The following GPR158 variants were observed in gnomAD, a reference collection of about 807,000 sequenced individuals.
The protein encoded by GPR158 is metabotropic glycine receptor.
In GPR158, 30 loss-of-function variants were observed where a neutral mutation model predicts 78.2. The observed-to-expected ratio is 0.38, with a 90% CI of 0.29 to 0.52. GPR158 has a LOEUF of 0.52. Ranked by LOEUF, GPR158 falls within the 20% of genes least tolerant of loss-of-function variation. The pLI is 0.83. For synonymous variants in GPR158, 581 were observed against 591.1 expected (o/e 0.98, Z 0.25); for missense variants, 1,463 against 1,523.5 (o/e 0.96, Z 0.66).
chr10:25,550,969 C>A lies in GPR158; in HGVS notation c.1405-7C>A. On this transcript the variant is annotated splice_polypyrimidine_tract_variant and splice_region_variant and intron_variant, in intron 5 of 10. Coordinates refer to ENST00000376351, the MANE Select transcript of GPR158 (RefSeq NM_020752.3). ...CCTGAAGGTCTCTTTCTGTTTTCAT[C>A]CCACAGGTTGTTATTTTGTACTTTG... 2.0e-6 allele frequency: 3 copies of A among 1,470,682 alleles called. No homozygotes were observed. The highest frequency in any genetic ancestry group is 2.9e-6 in the Non-Finnish European group (3 of 1,049,402). 91.1% of individuals were successfully genotyped at this position (1,470,682 alleles called of 1,614,324 possible). A position where few individuals can be genotyped will look rare whatever the true frequency, so the allele number is the denominator to read the frequency against.
intron 4 of GPR158, among the ~76,000 whole-genome samples, chr10:25,451,968 C>T (rs16925884): frequency 0.063 from 9,553 of 152,154 alleles, 1,057 homozygotes; most frequent in East Asian, 0.52. Flanking sequence ...TAGAGTTGTT[C>T]TAGATGGATG....
intron 1 of GPR158, among the ~76,000 whole-genome samples, chr10:25,190,858 C>T (rs1852762891): frequency 6.6e-6 from 1 of 152,152 alleles, no homozygotes; most frequent in African/African-American, 2.4e-5. Flanking sequence ...GAAACATACA[C>T]AACCTACTGT....
At chr10:25,564,327 A>AGATT (rs1322836517) in intron 6 of GPR158, among the ~76,000 whole-genome samples, 1 of 152,128 alleles carries the variant, frequency 6.6e-6, no homozygotes, top group Non-Finnish European at 1.5e-5. Flanking sequence ...CCAGGCTTCT[A>AGATT]GATTCCCAGA....
intron 4 of GPR158, among the ~76,000 whole-genome samples, chr10:25,459,800 A>C (rs931170642): frequency 6.6e-6 from 1 of 152,166 alleles, no homozygotes; most frequent in Non-Finnish European, 1.5e-5. Context: ...ACTTTGATGT[A>C]ATTTGATAGA....
chr10:25,285,354 G>A (rs967452920), intron 2 of GPR158, among the ~76,000 whole-genome samples: 6 of 152,082 alleles, frequency 3.9e-5, no homozygotes, highest in Non-Finnish European at 8.8e-5. Flanking sequence ...TTTAGTGGGG[G>A]GATTGGCTCA....
rs113849668 is a variant in GPR158, at chr10:25,420,726, T to C, written c.1335+8253T>C. 7.0e-3 allele frequency among the ~76,000 whole-genome samples: 1,066 copies of C among 152,334 alleles called. 11 individuals carry two copies. The highest frequency in any genetic ancestry group is 0.011 in the Non-Finnish European group (779 of 68,024). On this transcript the variant is annotated intron_variant, in intron 4 of 10. Coordinates refer to ENST00000376351, the MANE Select transcript of GPR158 (RefSeq NM_020752.3). ...ACACCATTTGTTGAAGACATAGTCC[T>C]TTCCCTGTAGAGTTGTCCTGTCAGC...
intron 5 of GPR158, among the ~76,000 whole-genome samples, chr10:25,485,132 TGTTA>T (rs1045008556): frequency 6.6e-6 from 1 of 152,012 alleles, no homozygotes; most frequent in African/African-American, 2.4e-5. Flanking sequence ...AAAAAATAGT[TGTTA>T]GAGTTCAGCA....
intron 1 of GPR158, among the ~76,000 whole-genome samples, chr10:25,218,060 T>A (rs1298183425): frequency 6.6e-6 from 1 of 152,078 alleles, no homozygotes; most frequent in Non-Finnish European, 1.5e-5. Context: ...TCCTTAGGTG[T>A]TGGATCTTTG....
Position 25,175,895 on chromosome 10 carries a change from G to A in GPR158, c.475G>A (p.Ala159Thr). The A allele has an allele frequency of 1.2e-6, 2 of 1,613,842 alleles. No individual in the cohort carries two copies. Among genetic ancestry groups the A allele is most frequent in the Non-Finnish European group, 1.7e-6 (2 of 1,179,998 alleles). ...GCAGGACGACCTGGATTGGTACCAGGCGCTGGTGTGGAGCCTTCTGGAGGG... is the reference window on the plus strand; with the variant it reads ...GCAGGACGACCTGGATTGGTACCAGACGCTGGTGTGGAGCCTTCTGGAGGG... ...NLQDDLDWYQ[A>T]LVWSLLEGEP... Residue 159 changes from alanine to threonine, a missense_variant, in exon 1 of 11, where the codon GCG becomes ACG. Ala to Thr is a moderately conservative substitution (Grantham distance 58). Transcript: ENST00000376351. This position sits in a 1 kb window ranked among gnomAD's most constrained non-coding sequence, Gnocchi z 6.4.
chr10:25,599,160 C>T lies in GPR158; in HGVS notation c.3534C>T (p.Thr1178=). The T allele has an allele frequency of 1.2e-6, 2 of 1,610,832 alleles. No individual in the cohort carries two copies. Among genetic ancestry groups the T allele is most frequent in the Non-Finnish European group, 1.7e-6 (2 of 1,179,844 alleles). Residue 1178 remains threonine (T), a synonymous_variant, in exon 11 of 11, where the codon ACC becomes ACT. Coordinates refer to ENST00000376351, the MANE Select transcript of GPR158 (RefSeq NM_020752.3). ...AGGTTTGTCCTTGGGAGTTTGAGAC[C>T]CCAGCTCAACCAAATGCTGGAAGAA... ...RAEVCPWEFE[T]PAQPNAGRSV...
At position 25,221,156 on chromosome 10, in the gene GPR158, A is replaced by G; in HGVS notation, c.1007A>G (p.Glu336Gly). ...CATAAATGCCACCTCAACAATTCAG[A>G]GGTAAGAAGATGAAAATAAAATCCT... ...GTHKCHLNNS[E>G]CMPIKGLGFV... The change falls in exon 2 of 11, where the codon GAG becomes GGG. Residue 336 changes from glutamate to glycine, a missense_variant and splice_region_variant. Transcript: ENST00000376351. 6.9e-7 allele frequency: 1 copy of G among 1,450,138 alleles called. No individual in the cohort carries two copies. Among genetic ancestry groups the G allele is most frequent in the South Asian group, 1.2e-5 (1 of 85,966 alleles). 89.8% of individuals were successfully genotyped at this position (1,450,138 alleles called of 1,614,324 possible).
chr10:25,577,849 T>C (rs771079770), intron 7 of GPR158, among the ~76,000 whole-genome samples: 13 of 144,048 alleles, frequency 9.0e-5, no homozygotes, highest in Non-Finnish European at 1.6e-4. Flanking sequence ...TTGTTAGTCC[T>C]GTGTATAAAA....
chr10:25,258,152 A>G (rs149672617), intron 2 of GPR158, among the ~76,000 whole-genome samples: 186 of 152,326 alleles, frequency 1.2e-3, no homozygotes, highest in African/African-American at 4.1e-3. Context: ...GCCATTCAAC[A>G]TGAAAGGCAT....
intron 5 of GPR158, among the ~76,000 whole-genome samples, chr10:25,490,303 T>A (rs552802694): frequency 3.2e-4 from 49 of 151,438 alleles, no homozygotes; most frequent in African/African-American, 9.3e-4. Flanking sequence ...GTCTTTTTTT[T>A]AATTATACTT....
In GPR158 at chr10:25,176,297, C is replaced by T; in HGVS notation, c.877C>T (p.Gln293Ter). ...TCTTTCCTCTGCCATCTACGGGTTG[C>T]AGCCTAACCTGGTCCCGGAATTCAG... ...VTLSSAIYGL[Q>*]PNLVPEFRGV... Residue 293 changes from glutamine to a stop codon, truncating the protein, a stop_gained, in exon 1 of 11, where the codon CAG (glutamine) becomes TAG (stop). Coordinates refer to ENST00000376351, the MANE Select transcript of GPR158 (RefSeq NM_020752.3). LOFTEE classifies it high-confidence loss of function. The surrounding 1 kb of genome is among the most constrained non-coding windows in gnomAD (Gnocchi z 6.3). The T allele has an allele frequency of 6.3e-7, 1 of 1,595,510 alleles. No individual in the cohort carries two copies. Among genetic ancestry groups the T allele is most frequent in the Non-Finnish European group, 8.5e-7 (1 of 1,170,864 alleles).
intron 2 of GPR158, among the ~76,000 whole-genome samples, chr10:25,385,104 A>C (rs1834205437): frequency 6.6e-6 from 1 of 152,162 alleles, no homozygotes; most frequent in Non-Finnish European, 1.5e-5. Context: ...CTCTACACCC[A>C]TTGAACAACT....
chr10:25,444,305 A>C (rs755539222), intron 4 of GPR158, among the ~76,000 whole-genome samples: 6 of 151,306 alleles, frequency 4.0e-5, no homozygotes, highest in Non-Finnish European at 7.4e-5. Context: ...GGGTATGTGC[A>C]TGACTGTATG....
intron 4 of GPR158, among the ~76,000 whole-genome samples, chr10:25,417,063 A>G (rs1489739814): frequency 1.3e-5 from 2 of 152,186 alleles, no homozygotes; most frequent in Non-Finnish European, 2.9e-5. Flanking sequence ...GCCATAAGAT[A>G]AAAACCAACC....
chr10:25,179,971 G>A lies in GPR158; in HGVS notation c.902+3649G>A, dbSNP rs1016567574. 3.9e-5 allele frequency among the ~76,000 whole-genome samples: 6 copies of A among 152,134 alleles called. No individual in the cohort carries two copies. The East Asian group carries it at 5.8e-4, about 15-fold the overall frequency. On this transcript the variant is annotated intron_variant, in intron 1 of 10. Coordinates refer to ENST00000376351, the MANE Select transcript of GPR158 (RefSeq NM_020752.3). ...GTACTATGGAGTTGGATCCCATTCC[G>A]TTGAATGCATAGATAGCTCTCTGGT...
Sources: allele counts gnomAD v4.1 joint callset (sites outside exome capture counted in the v4.1 genomes callset), GRCh38; gene constraint gnomAD v4.1.1; non-coding constraint Gnocchi (gnomAD v3.1); transcripts MANE v1.5; gene names NCBI Gene and HGNC (gene_info 2026-07-23, HGNC 2026-07-21).